Variants in ROCK2 observed in about 807,000 individuals in gnomAD.
ROCK2 encodes rho-associated protein kinase 2.
Under a neutral mutation model 195.1 loss-of-function variants are expected in ROCK2, and 61 were observed. The observed-to-expected ratio is 0.31, with a 90% CI of 0.25 to 0.39. ROCK2 has a LOEUF of 0.39. Ranked by LOEUF, ROCK2 falls within the 10% of genes least tolerant of loss-of-function variation. The probability of loss-of-function intolerance (pLI) is 1.00; values close to 1 mark genes in which losing one functional copy is unlikely to be tolerated. For missense variants in ROCK2, 1,109 were observed against 1,637.4 expected (o/e 0.68, Z 5.57); for synonymous variants, 504 against 545.5 (o/e 0.92, Z 1.06).
At chr2:11,233,148 G>A (rs548637794) in intron 5 of ROCK2, among the ~76,000 whole-genome samples, 2 of 152,178 alleles carry the variant, frequency 1.3e-5, no homozygotes, top group South Asian at 2.1e-4. Flanking sequence ...CAGGGGTTTC[G>A]GGCTACAGTG....
intron 29 of ROCK2, 49 bp from the exon 30 acceptor site, chr2:11,193,906 T>C: frequency 2.0e-6 from 2 of 1,019,852 alleles, no homozygotes; most frequent in Non-Finnish European, 3.0e-6. Context: ...AAGGATCAAA[T>C]TATATATTAA....
chr2:11,237,234 T>C lies in ROCK2; in HGVS notation c.463-1272A>G, dbSNP rs767026044. Among the ~76,000 whole-genome samples, 71 of 152,222 alleles carry C rather than the reference T, an allele frequency of 4.7e-4. 1 individual carries two copies. In the Middle Eastern group the frequency reaches 0.01, roughly 22 times the overall value. On this transcript the variant is annotated intron_variant, in intron 4 of 32. Coordinates refer to ENST00000315872, the MANE Select transcript of ROCK2 (RefSeq NM_004850.5). ...ACATCAATTAAACATTAGGCTGATA[T>C]GAGGACCAAAAAAACCCTGAAGTCT...
At chr2:11,249,185 T>C (rs891140033) in intron 4 of ROCK2, among the ~76,000 whole-genome samples, 17 of 152,196 alleles carry the variant, frequency 1.1e-4, no homozygotes, top group Non-Finnish European at 2.5e-4. Flanking sequence ...TGTGAGCCAC[T>C]GCGCCTGGCC....
At chr2:11,186,924 C>T (rs574374596) in intron 32 of ROCK2, among the ~76,000 whole-genome samples, 1 of 152,238 alleles carries the variant, frequency 6.6e-6, no homozygotes, top group South Asian at 2.1e-4. Flanking sequence ...CTGTTCATCC[C>T]TATATTATAA....
At chr2:11,254,479 G>A (rs866051599) in intron 3 of ROCK2, among the ~76,000 whole-genome samples, 1 of 152,124 alleles carries the variant, frequency 6.6e-6, no homozygotes, top group South Asian at 2.1e-4. Context: ...TTGGCTAAAG[G>A]CTGGGCTACC....
intron 5 of ROCK2, among the ~76,000 whole-genome samples, chr2:11,232,466 C>A (rs1665054650): frequency 6.6e-6 from 1 of 152,092 alleles, no homozygotes. Flanking sequence ...GGTATAGTAA[C>A]AATAATCAAA....
At chr2:11,255,270 A>G (rs1434154763) in intron 3 of ROCK2, among the ~76,000 whole-genome samples, 1 of 150,582 alleles carries the variant, frequency 6.6e-6, no homozygotes, top group Non-Finnish European at 1.5e-5. Flanking sequence ...CCACACATCT[A>G]CATTTACAAA....
intron 28 of ROCK2, among the ~76,000 whole-genome samples, chr2:11,194,611 CCTT>C (rs199713732): frequency 0.043 from 6,564 of 151,894 alleles, 272 homozygotes; most frequent in Non-Finnish European, 0.06. Flanking sequence ...TCATTAGTAA[CCTT>C]CTCAAAAATA....
intron 6 of ROCK2, 59 bp from the exon 7 acceptor site, chr2:11,224,519 C>T: frequency 6.9e-7 from 1 of 1,454,078 alleles, no homozygotes; most frequent in Non-Finnish European, 9.5e-7. Context: ...AAACACTTTT[C>T]ACCTAGTACT....
Position 11,208,364 on chromosome 2 carries a change from G to C in ROCK2, c.2287C>G (p.Leu763Val), listed in dbSNP as rs765898223. 1.3e-5 allele frequency: 20 copies of C among 1,551,436 alleles called. No homozygotes were observed. The highest frequency in any genetic ancestry group is 1.7e-5 in the Non-Finnish European group (19 of 1,140,958). Reference sequence around the variant, plus strand: ...GACTGTTTGAGGTCACAGTCTAATAGAGAACATCTTTTCTCAGCTTCTAGC... The same window carrying C: ...GACTGTTTGAGGTCACAGTCTAATACAGAACATCTTTTCTCAGCTTCTAGC... ...LLLEAEKRCS[L>V]LDCDLKQSQQ... Residue 763 changes from leucine (L) to valine (V), a missense_variant, in exon 19 of 33, where the codon CTA becomes GTA. Physicochemically the swap from Leu to Val is conservative, Grantham distance 32 (BLOSUM62 1). Transcript: ENST00000315872.
At chr2:11,257,184 T>C (rs1177699246) in intron 3 of ROCK2, among the ~76,000 whole-genome samples, 2 of 151,484 alleles carry the variant, frequency 1.3e-5, no homozygotes, top group Non-Finnish European at 2.9e-5. Flanking sequence ...CAGGGGCTGG[T>C]ATGCGCTGGG....
At chr2:11,253,707 A>C (rs1665916367) in intron 3 of ROCK2, among the ~76,000 whole-genome samples, 1 of 152,270 alleles carries the variant, frequency 6.6e-6, no homozygotes, top group Non-Finnish European at 1.5e-5. Context: ...CTCACTAAAT[A>C]TTTAATGACT....
At chr2:11,208,741 T>G in intron 18 of ROCK2, among the ~76,000 whole-genome samples, 1 of 151,884 alleles carries the variant, frequency 6.6e-6, no homozygotes, top group East Asian at 1.9e-4. Flanking sequence ...TACAGGCGTG[T>G]GCCACCACAC....
intron 32 of ROCK2, among the ~76,000 whole-genome samples, chr2:11,186,599 A>G (rs760939243): frequency 6.6e-6 from 1 of 152,142 alleles, no homozygotes; most frequent in Non-Finnish European, 1.5e-5. Context: ...TCCCTTACTG[A>G]AAGACTTCTA....
intron 1 of ROCK2, among the ~76,000 whole-genome samples, chr2:11,313,992 T>C (rs1025801924): frequency 3.3e-5 from 5 of 151,824 alleles, no homozygotes; most frequent in Non-Finnish European, 7.4e-5. Flanking sequence ...TGCATAAATA[T>C]ATATAAGAAC....
At chr2:11,279,333 G>GA (rs1363861737) in intron 3 of ROCK2, among the ~76,000 whole-genome samples, 1 of 152,014 alleles carries the variant, frequency 6.6e-6, no homozygotes, top group Admixed American at 6.5e-5. Context: ...TAGATGGATG[G>GA]AAAAAAATAT....
chr2:11,197,066 TTTC>T lies in ROCK2; in HGVS notation c.3448+111_3448+113del. 2.1e-5 allele frequency: 13 copies of T among 604,994 alleles called. No individual in the cohort carries two copies. Among genetic ancestry groups the T allele is most frequent in the Non-Finnish European group, 3.4e-5 (13 of 379,572 alleles). 37.5% of individuals were successfully genotyped at this position (604,994 alleles called of 1,614,324 possible). A position where few individuals can be genotyped will look rare whatever the true frequency, so the allele number is the denominator to read the frequency against. Reference sequence around the variant, plus strand: ...TGAATCCTTACTCCAAGGAGTAGGTTTTCCCTTAAAGAAATTACAAACATTTTT... The same window carrying T: ...TGAATCCTTACTCCAAGGAGTAGGTTCCTTAAAGAAATTACAAACATTTTT... On this transcript the variant is annotated intron_variant, in intron 27 of 32. Coordinates refer to ENST00000315872, the MANE Select transcript of ROCK2 (RefSeq NM_004850.5). This position sits in a 1 kb window ranked among gnomAD's most constrained non-coding sequence, Gnocchi z 4.9.
chr2:11,258,268 C>T (rs1349005688), intron 3 of ROCK2, among the ~76,000 whole-genome samples: 1 of 151,224 alleles, frequency 6.6e-6, no homozygotes. Context: ...ATTCGAATTC[C>T]AAATACTCTA....
intron 1 of ROCK2, among the ~76,000 whole-genome samples, chr2:11,307,761 G>A (rs113512830): frequency 0.013 from 2,055 of 152,230 alleles, 41 homozygotes; most frequent in African/African-American, 0.047. Flanking sequence ...AATCAGAACT[G>A]AAAATATTCA....
Sources: gnomAD v4.1 joint callset for allele counts (sites outside exome capture counted in the v4.1 genomes callset) on GRCh38, gnomAD v4.1.1 for gene constraint, Gnocchi (gnomAD v3.1) non-coding constraint, MANE v1.5 for transcripts, NCBI Gene and HGNC (gene_info 2026-07-23, HGNC 2026-07-21) for gene names.